MRC2: variants seen among roughly 807,000 people sequenced by gnomAD.
The protein encoded by MRC2 is mannose receptor C-type 2.
Under a neutral mutation model 206.2 loss-of-function variants are expected in MRC2, and 84 were observed. That is an observed-to-expected ratio of 0.41 (90% CI 0.34 to 0.49). MRC2 has a LOEUF of 0.49. Ranked by LOEUF, MRC2 falls within the 20% of genes least tolerant of loss-of-function variation. The pLI, the probability that MRC2 is intolerant of heterozygous loss-of-function variation, is 0.31. For synonymous variants in MRC2, 798 were observed against 800.0 expected (o/e 1.00, Z 0.04); for missense variants, 1,676 against 2,001.5 (o/e 0.84, Z 3.10).
At position 62,652,967 on chromosome 17, in the gene MRC2, T is replaced by A. The variant is rs1030522635; in HGVS notation, c.119-11581T>A. On this transcript the variant is annotated intron_variant, in intron 1 of 29. Coordinates refer to ENST00000303375, the MANE Select transcript of MRC2 (RefSeq NM_006039.5). This position sits in a 1 kb window ranked among gnomAD's most constrained non-coding sequence, Gnocchi z 4.6. ...GAAGACTCGGAACTCCAAGAGCAGGTGGATCTGGGAGCCCCAGATCCTGGG... is the reference window on the plus strand; with the variant it reads ...GAAGACTCGGAACTCCAAGAGCAGGAGGATCTGGGAGCCCCAGATCCTGGG... Among the ~76,000 whole-genome samples, 36 of 151,488 alleles carry A rather than the reference T, an allele frequency of 2.4e-4. No homozygotes were observed. The highest frequency in any genetic ancestry group is 7.3e-4 in the African/African-American group (30 of 41,222).
At chr17:62,662,223 C>T (rs1295820415) in intron 1 of MRC2, among the ~76,000 whole-genome samples, 1 of 150,866 alleles carries the variant, frequency 6.6e-6, no homozygotes, top group Non-Finnish European at 1.5e-5. Context: ...GCACTCTAGC[C>T]TGGGTGACAG....
intron 1 of MRC2, among the ~76,000 whole-genome samples, chr17:62,632,669 G>C (rs555624112): frequency 6.6e-6 from 1 of 152,186 alleles, no homozygotes; most frequent in East Asian, 1.9e-4. Flanking sequence ...AAGGATCCTG[G>C]GGAGGACGCT....
At chr17:62,684,915 T>C (rs906400688) in intron 20 of MRC2, among the ~76,000 whole-genome samples, 3 of 151,890 alleles carry the variant, frequency 2.0e-5, no homozygotes, top group Non-Finnish European at 4.4e-5. Flanking sequence ...CCGAGGCGGG[T>C]GGATCACCTG....
chr17:62,630,250 C>G (rs548941739), intron 1 of MRC2, among the ~76,000 whole-genome samples: 9 of 152,196 alleles, frequency 5.9e-5, no homozygotes, highest in Non-Finnish European at 1.2e-4. Context: ...CCCAGACCCA[C>G]GCTCAACCCT....
At chr17:62,662,137 C>G (rs919875595) in intron 1 of MRC2, among the ~76,000 whole-genome samples, 1 of 151,928 alleles carries the variant, frequency 6.6e-6, no homozygotes, top group Admixed American at 6.6e-5. Context: ...GTAGTCCCAG[C>G]TACTCGGGAG....
In MRC2 at chr17:62,630,542, C is replaced by T. The variant is rs144210662; in HGVS notation, c.118+2622C>T. Among the ~76,000 whole-genome samples, 946 of 152,072 alleles carry T rather than the reference C, an allele frequency of 6.2e-3. 7 individuals carry two copies. The highest frequency in any genetic ancestry group is 0.021 in the African/African-American group (861 of 41,472). On this transcript the variant is annotated intron_variant, in intron 1 of 29. Transcript: ENST00000303375. ...ATGATGTGGAAGCTTGCTGGCTGGGCCGGGGAGAAGGTTGAGTGAAAGAGG... is the reference window on the plus strand; with the variant it reads ...ATGATGTGGAAGCTTGCTGGCTGGGTCGGGGAGAAGGTTGAGTGAAAGAGG...
Position 62,676,460 on chromosome 17 carries a change from A to G in MRC2, c.1763A>G (p.Asn588Ser), listed in dbSNP as rs551322802. The part of the protein sequence containing the change: ...EYFWTALQDL[N>S]STGSFFWLSG... ...TTCTGGACGGCCCTGCAGGACCTCA[A>G]CAGCACCGGCTCCTTCTTCTGGCTC... The change falls in exon 11 of 30, where the codon AAC becomes AGC. Residue 588 changes from asparagine to serine, a missense_variant. Physicochemically the swap from Asn to Ser is conservative, Grantham distance 46. Transcript: ENST00000303375. 1 of 1,613,728 alleles carries G rather than the reference A, an allele frequency of 6.2e-7. No individual in the cohort carries two copies.
Position 62,688,578 on chromosome 17 carries a change from T to C in MRC2, c.3139T>C (p.Trp1047Arg), listed in dbSNP as rs891914986. The change falls in exon 22 of 30, where the codon TGG (tryptophan) becomes CGG (arginine). Residue 1047 changes from tryptophan (W) to arginine (R), a missense_variant. Coordinates refer to ENST00000303375, the MANE Select transcript of MRC2 (RefSeq NM_006039.5). ...CCATGCCTCGCAGAGGGACTTCCAG[T>C]GGGTGGAGCAGGAGCCTTTGATGTA... ...GLHASQRDFQ[W>R]VEQEPLMYAN... The C allele has an allele frequency of 6.2e-7, 1 of 1,614,216 alleles. No homozygotes were observed. Among genetic ancestry groups the C allele is most frequent in the African/African-American group, 1.3e-5 (1 of 75,074 alleles).
chr17:62,643,327 C>CAAAAAA (rs59698063), intron 1 of MRC2, among the ~76,000 whole-genome samples: 80 of 43,928 alleles, frequency 1.8e-3, no homozygotes, highest in African/African-American at 3.2e-3. Context: ...GAAACTCCGT[C>CAAAAAA]AAAAAAAAAA....
intron 20 of MRC2, among the ~76,000 whole-genome samples, chr17:62,686,388 G>A (rs1243358578): frequency 6.6e-6 from 1 of 152,244 alleles, no homozygotes; most frequent in Non-Finnish European, 1.5e-5. Context: ...GGGAGGCGGA[G>A]GTTGCAGTGA....
intron 1 of MRC2, among the ~76,000 whole-genome samples, chr17:62,637,044 G>A (rs1372449154): frequency 6.6e-6 from 1 of 152,164 alleles, no homozygotes; most frequent in East Asian, 1.9e-4. Context: ...CTAAGGGGAA[G>A]CTTGAATCGA....
Position 62,692,530 on chromosome 17 carries a change from G to T in MRC2, c.*79G>T, listed in dbSNP as rs1414976884. The T allele has an allele frequency of 8.5e-6, 12 of 1,403,978 alleles. No homozygotes were observed. Among genetic ancestry groups the T allele is most frequent in the Non-Finnish European group, 9.7e-6 (10 of 1,033,998 alleles). The allele number at this position is 1,403,978 out of a possible 1,614,324, so 87.0% of individuals were successfully genotyped here. On this transcript the variant is annotated 3_prime_UTR_variant, in exon 30 of 30. Coordinates refer to ENST00000303375, the MANE Select transcript of MRC2 (RefSeq NM_006039.5). The surrounding 1 kb of genome is among the most constrained non-coding windows in gnomAD (Gnocchi z 4.2). ...GGGTCAGTCTGGCCCCCCACCAGCTGCCTGTCCAGTTGGCCTATGGAAGGG... is the reference window on the plus strand; with the variant it reads ...GGGTCAGTCTGGCCCCCCACCAGCTTCCTGTCCAGTTGGCCTATGGAAGGG...
intron 1 of MRC2, among the ~76,000 whole-genome samples, chr17:62,637,102 C>T (rs1378178324): frequency 1.3e-5 from 2 of 152,210 alleles, no homozygotes; most frequent in Non-Finnish European, 1.5e-5. Flanking sequence ...GTGACTCATG[C>T]CTGTAATCCC....
At chr17:62,678,752 AT>A in intron 13 of MRC2, 106 bp downstream of exon 13, 1 of 1,509,168 alleles carries the variant, frequency 6.6e-7, no homozygotes, top group African/African-American at 1.4e-5. Flanking sequence ...GGATGGCAGA[AT>A]GTGGGTGACC....
At chr17:62,635,422 C>T (rs1390955323) in intron 1 of MRC2, among the ~76,000 whole-genome samples, 1 of 152,050 alleles carries the variant, frequency 6.6e-6, no homozygotes, top group Non-Finnish European at 1.5e-5. Context: ...TCTATTTAAC[C>T]TTCATTTAGG....
chr17:62,663,672 G>T (rs145039452), intron 1 of MRC2, among the ~76,000 whole-genome samples: 15 of 152,240 alleles, frequency 9.9e-5, no homozygotes, highest in Admixed American at 2.6e-4. Context: ...GGAAGCCAAA[G>T]AATTAAATTG....
rs753363212 is a variant in MRC2, at chr17:62,691,031, C to G, written c.4095C>G (p.Ser1365Arg). 2.4e-5 allele frequency: 39 copies of G among 1,609,472 alleles called. No homozygotes were observed. Among genetic ancestry groups the G allele is most frequent in the Non-Finnish European group, 3.0e-5 (35 of 1,178,858 alleles). ...CGGGCTTGGGCCCCAGCATGCTGAG[C>G]CACAACAGCTGCTACTGGATTCAGA... Reference protein sequence around the residue: ...GPPGLGPSMLSHNSCYWIQSN... With the variant: ...GPPGLGPSMLRHNSCYWIQSN... The change falls in exon 28 of 30, where the codon AGC (serine) becomes AGG (arginine). Residue 1365 changes from serine to arginine, a missense_variant. Coordinates refer to ENST00000303375, the MANE Select transcript of MRC2 (RefSeq NM_006039.5).
At chr17:62,677,840 A>C (rs1375001879) in intron 12 of MRC2, among the ~76,000 whole-genome samples, 1 of 152,140 alleles carries the variant, frequency 6.6e-6, no homozygotes, top group Non-Finnish European at 1.5e-5. Flanking sequence ...TCACGAGGTC[A>C]GGAGATCGAG....
chr17:62,653,323 A>G (rs887636882), intron 1 of MRC2, among the ~76,000 whole-genome samples: 5 of 151,708 alleles, frequency 3.3e-5, no homozygotes, highest in Non-Finnish European at 5.9e-5. Flanking sequence ...TTCCCAGAGA[A>G]CCCCAGGGGC....
Sources: allele counts gnomAD v4.1 joint callset (sites outside exome capture counted in the v4.1 genomes callset), GRCh38; gene constraint gnomAD v4.1.1; non-coding constraint Gnocchi (gnomAD v3.1); transcripts MANE v1.5; gene names NCBI Gene and HGNC (gene_info 2026-07-23, HGNC 2026-07-21).